The following TPH2 variants were observed in gnomAD, a reference collection of about 807,000 sequenced individuals.
TPH2 encodes the protein tryptophan hydroxylase 2.
In TPH2, 27 loss-of-function variants were observed where a neutral mutation model predicts 59.1. The ratio of observed to expected loss-of-function variants is 0.46; its 90% confidence interval spans 0.34 to 0.63. The LOEUF (loss-of-function observed/expected upper bound fraction) is 0.63. TPH2 is among the 30% of genes least tolerant of loss of function. The probability of loss-of-function intolerance (pLI) is 0.01; values close to 1 mark genes in which losing one functional copy is unlikely to be tolerated. For missense variants in TPH2, 523 were observed against 588.3 expected, an observed-to-expected ratio of 0.89 and a Z score of 1.15; for synonymous variants, 220 against 210.5, an observed-to-expected ratio of 1.05 and a Z score of -0.39.
intron 7 of TPH2, among the ~76,000 whole-genome samples, chr12:71,986,169 G>A (rs1010784579): frequency 2.0e-5 from 3 of 152,124 alleles, no homozygotes; most frequent in Middle Eastern, 3.2e-3. Flanking sequence ...TATGACTGTC[G>A]GCAAGCCATT....
intron 7 of TPH2, among the ~76,000 whole-genome samples, chr12:71,980,397 T>C (rs1274945190): frequency 1.3e-5 from 2 of 152,096 alleles, no homozygotes; most frequent in Non-Finnish European, 2.9e-5. Context: ...AAGTAGCTGA[T>C]GGTAGTAGGA....
chr12:71,949,314 A>G (rs1387392099), intron 4 of TPH2, among the ~76,000 whole-genome samples: 21 of 152,230 alleles, frequency 1.4e-4, no homozygotes, highest in Admixed American at 1.4e-3. Context: ...GGTATTGTTC[A>G]CAATATCAAT....
intron 4 of TPH2, among the ~76,000 whole-genome samples, chr12:71,948,568 G>T (rs576745701): frequency 3.0e-4 from 46 of 152,280 alleles, no homozygotes; most frequent in African/African-American, 1.1e-3. Context: ...GGCCCATCTT[G>T]CAGAGCTGTC....
chr12:71,975,049 T>C (rs1872078461), intron 6 of TPH2, among the ~76,000 whole-genome samples: 2 of 152,110 alleles, frequency 1.3e-5, no homozygotes, highest in Non-Finnish European at 2.9e-5. Context: ...CATTTTAATG[T>C]GTCTATTAAA....
In TPH2 at chr12:71,942,454, C is replaced by A. The variant is rs114780262; in HGVS notation, c.255+721C>A. On this transcript the variant is annotated intron_variant, in intron 2 of 10. Coordinates refer to ENST00000333850, the MANE Select transcript of TPH2 (RefSeq NM_173353.4). The stretch of plus-strand genomic sequence containing the variant: ...AATGCATTTTGTTTGGGGGCAGTGG[C>A]GGTTGATGAGAGCTGTTAAGATAAG... Among the ~76,000 whole-genome samples, 339 of 152,214 alleles carry A rather than the reference C, an allele frequency of 2.2e-3. 1 individual carries two copies. The highest frequency in any genetic ancestry group is 7.8e-3 in the African/African-American group (322 of 41,524).
At chr12:71,968,545 C>G (rs945583552) in intron 5 of TPH2, among the ~76,000 whole-genome samples, 4 of 152,246 alleles carry the variant, frequency 2.6e-5, no homozygotes, top group African/African-American at 4.8e-5. Flanking sequence ...GTCCCCTGCT[C>G]TGAAGTGGTG....
intron 5 of TPH2, among the ~76,000 whole-genome samples, chr12:71,970,173 G>A (rs991229685): frequency 5.3e-5 from 8 of 152,196 alleles, no homozygotes; most frequent in Non-Finnish European, 7.3e-5. Flanking sequence ...TACCTGGGGT[G>A]TGGGGTTAGA....
At chr12:71,940,670 T>C (rs1356301537) in intron 1 of TPH2, among the ~76,000 whole-genome samples, 1 of 152,232 alleles carries the variant, frequency 6.6e-6, no homozygotes, top group Non-Finnish European at 1.5e-5. Context: ...TTTGTTTTGT[T>C]TCCTCCCATT....
intron 6 of TPH2, 58 bp downstream of exon 6, chr12:71,972,773 A>G: frequency 6.4e-6 from 10 of 1,557,860 alleles, no homozygotes; most frequent in Non-Finnish European, 8.8e-6. Context: ...CCTTCCAAGG[A>G]CACAGGTTGC....
intron 7 of TPH2, among the ~76,000 whole-genome samples, chr12:71,994,089 A>C (rs959285925): frequency 6.6e-6 from 1 of 152,230 alleles, no homozygotes; most frequent in African/African-American, 2.4e-5. Context: ...GATCTACAGG[A>C]TCCTGTGCTA....
chr12:72,014,687 G>A (rs957869468), intron 8 of TPH2, among the ~76,000 whole-genome samples: 3 of 152,060 alleles, frequency 2.0e-5, no homozygotes, highest in East Asian at 1.9e-4. Context: ...CACCGTGCCC[G>A]GCCCAGAAAA....
At chr12:71,991,981 TA>T (rs900397207) in intron 7 of TPH2, among the ~76,000 whole-genome samples, 9 of 152,090 alleles carry the variant, frequency 5.9e-5, no homozygotes, top group South Asian at 4.2e-4. Context: ...GGTGAGAGTT[TA>T]AAAAAAATGC....
At chr12:72,017,544 C>T (rs997171794) in intron 8 of TPH2, among the ~76,000 whole-genome samples, 1 of 152,090 alleles carries the variant, frequency 6.6e-6, no homozygotes, top group East Asian at 1.9e-4. Context: ...ATGAAAGATA[C>T]CCTTCAATTT....
intron 4 of TPH2, among the ~76,000 whole-genome samples, chr12:71,947,827 C>G (rs1329491453): frequency 2.0e-5 from 3 of 152,112 alleles, no homozygotes; most frequent in Non-Finnish European, 4.4e-5. Context: ...CTCTTGCGTC[C>G]TTGGAAAAGG....
At chr12:72,009,561 G>A (rs990559700) in intron 8 of TPH2, among the ~76,000 whole-genome samples, 4 of 152,300 alleles carry the variant, frequency 2.6e-5, no homozygotes, top group African/African-American at 9.6e-5. Context: ...TGTAATCTCA[G>A]CTCTCTTGAG....
rs115013574 is a variant in TPH2 at position 71,976,573 on chromosome 12, G to C, written c.806-2379G>C. Among the ~76,000 whole-genome samples the C allele has an allele frequency of 2.6e-3, 397 of 152,240 alleles. 2 individuals are homozygous for C. Among genetic ancestry groups the C allele is most frequent in the African/African-American group, 9.1e-3 (378 of 41,530 alleles). ...ACTGTTACATATGTCCCACATGTGG[G>C]ATATACTGGCTTAATTGATGTAATA... On this transcript the variant is annotated intron_variant, in intron 6 of 10. Coordinates refer to ENST00000333850, the MANE Select transcript of TPH2 (RefSeq NM_173353.4).
intron 1 of TPH2, among the ~76,000 whole-genome samples, chr12:71,939,613 T>C (rs1262993223): frequency 6.6e-6 from 1 of 152,176 alleles, no homozygotes; most frequent in Non-Finnish European, 1.5e-5. Flanking sequence ...AAAAGAAAGA[T>C]TGGATTCCTT....
intron 6 of TPH2, among the ~76,000 whole-genome samples, chr12:71,977,635 A>G (rs1362235371): frequency 1.3e-5 from 2 of 152,112 alleles, no homozygotes; most frequent in Admixed American, 6.5e-5. Flanking sequence ...AACAAAACCA[A>G]TTTTTCCCCT....
chr12:71,944,472 A>G lies in TPH2; in HGVS notation c.434A>G (p.Glu145Gly), dbSNP rs527350890. The G allele has an allele frequency of 6.2e-7, 1 of 1,613,968 alleles. No individual in the cohort carries two copies. Among genetic ancestry groups the G allele is most frequent in the South Asian group, 1.1e-5 (1 of 91,084 alleles). The change falls in exon 3 of 11, where the codon GAA becomes GGA. Residue 145 changes from glutamate to glycine, a missense_variant. By Grantham distance (98) the Glu-to-Gly change is moderately conservative (BLOSUM62 -2). Transcript: ENST00000333850. ...CCTCCAGAGAACATTTGGACAGAGGAAGAAGGCAAGGGTGGTCTTAGCTTG... is the reference window on the plus strand; with the variant it reads ...CCTCCAGAGAACATTTGGACAGAGGGAGAAGGCAAGGGTGGTCTTAGCTTG... ...LNPPENIWTE[E>G]EELEDVPWFP... is the part of the protein sequence containing the mutation.
Sources: gnomAD v4.1 joint callset for allele counts (sites outside exome capture counted in the v4.1 genomes callset) on GRCh38, gnomAD v4.1.1 for gene constraint, MANE v1.5 for transcripts, NCBI Gene and HGNC (gene_info 2026-07-23, HGNC 2026-07-21) for gene names.